Variants in LRRC51 observed in about 807,000 individuals in gnomAD.
LRRC51 encodes the protein leucine-rich repeat-containing protein 51.
In LRRC51, 8 loss-of-function variants were observed where a neutral mutation model predicts 17.8. The observed-to-expected ratio is 0.45, with a 90% confidence interval of 0.26 to 0.81. The LOEUF is 0.81. LRRC51 is among the 30% of genes least tolerant of loss of function. LRRC51 has a pLI of 0.17. For missense variants in LRRC51, 233 were observed against 239.3 expected (o/e 0.97, Z 0.17); for synonymous variants, 92 against 96.0 (o/e 0.96, Z 0.24).
chr11:72,096,042 A>G lies in LRRC51; in HGVS notation c.*522A>G, dbSNP rs627329. 20,140 of 192,504 alleles carry G rather than the reference A, an allele frequency of 0.1. 1,389 individuals are homozygous for G. The highest frequency in any genetic ancestry group is 0.22 in the East Asian group (1,641 of 7,306). The allele number at this position is 192,504 out of a possible 1,614,324, so 11.9% of individuals were successfully genotyped here. A position where few individuals can be genotyped will look rare whatever the true frequency, so the allele number is the denominator to read the frequency against. On this transcript the variant is annotated 3_prime_UTR_variant, in exon 6 of 6. Transcript: ENST00000289488. ...TTTTGAGACGGAGTCTCGCTCTGTC[A>G]CCCAGGCTGGAGTGCAGTGGCACGA...
chr11:72,088,889 G>A, intron 2 of LRRC51, 140 bp from the exon 3 acceptor site: 2 of 965,700 alleles, frequency 2.1e-6, no homozygotes, highest in Non-Finnish European at 3.1e-6. Context: ...AGGATGCAAG[G>A]AAGAGTGATT....
At chr11:72,088,524 C>T (rs1208317472) in intron 2 of LRRC51, 144 bp downstream of exon 2, 9 of 655,732 alleles carry the variant, frequency 1.4e-5, no homozygotes, top group South Asian at 1.3e-4. Flanking sequence ...TGGCAAATCC[C>T]CAGCTGGGCC....
chr11:72,094,689 G>C, intron 4 of LRRC51: 1 of 728,042 alleles, frequency 1.4e-6, no homozygotes. Context: ...CTAAGGCTGA[G>C]AGAGGCAAGT....
intron 3 of LRRC51, 24 bp downstream of exon 3, chr11:72,089,189 CCACT>C (rs1212395673): frequency 6.2e-7 from 1 of 1,614,098 alleles, no homozygotes; most frequent in East Asian, 2.2e-5. Context: ...GCACAGTACT[CCACT>C]CACTAAGGCA....
chr11:72,092,991 T>C (rs926829377), intron 3 of LRRC51, among the ~76,000 whole-genome samples: 1 of 152,244 alleles, frequency 6.6e-6, no homozygotes, highest in African/African-American at 2.4e-5. Flanking sequence ...CTATTATTCA[T>C]ACAAAGTCTG....
At position 72,086,854 on chromosome 11, in the gene LRRC51, G is replaced by GAGAAAAGTATCCAATCTTGCTC. The variant is rs1212775559; in HGVS notation, c.-139-1441_-139-1420dup. ...GGGGTACCAACCCAGTATTTACTTT[G>GAGAAAAGTATCCAATCTTGCTC]AGAAAAGTATCCAATCTTGCTCAAA... is the stretch of plus-strand genomic sequence containing the variant. On this transcript the variant is annotated intron_variant, in intron 1 of 5. Transcript: ENST00000289488. 3.3e-5 allele frequency among the ~76,000 whole-genome samples: 5 copies of GAGAAAAGTATCCAATCTTGCTC among 152,192 alleles called. No individual in the cohort carries two copies. The East Asian group carries it at 9.6e-4, about 29-fold the overall frequency.
chr11:72,094,141 C>G (rs1945023114), intron 4 of LRRC51, among the ~76,000 whole-genome samples: 1 of 152,066 alleles, frequency 6.6e-6, no homozygotes, highest in Non-Finnish European at 1.5e-5. Context: ...AAAAAATTAG[C>G]TGGGCGTGGT....
Position 72,096,664 on chromosome 11 carries a change from C to A in LRRC51, c.*1144C>A. 1 of 1,544,664 alleles carries A rather than the reference C, an allele frequency of 6.5e-7. No individual in the cohort carries two copies. The highest frequency in any genetic ancestry group is 1.2e-5 in the South Asian group (1 of 82,720). ...ATCTAACTCTCTGGGCCCCTTTGTACTTTTCAGCTTAGAGATTTGGGGGTT... is the reference window on the plus strand; with the variant it reads ...ATCTAACTCTCTGGGCCCCTTTGTAATTTTCAGCTTAGAGATTTGGGGGTT... On this transcript the variant is annotated 3_prime_UTR_variant, in exon 6 of 6. Coordinates refer to ENST00000289488, the MANE Select transcript of LRRC51 (RefSeq NM_145309.6).
chr11:72,089,717 C>T, intron 3 of LRRC51: 1 of 640,858 alleles, frequency 1.6e-6, no homozygotes, highest in Non-Finnish European at 2.1e-6. Context: ...AAATTTCTTA[C>T]ACTCATTCCA....
chr11:72,088,606 A>G, intron 2 of LRRC51: 1 of 586,352 alleles, frequency 1.7e-6, no homozygotes, highest in Non-Finnish European at 3.0e-6. Flanking sequence ...GCAATAGAAT[A>G]GCCCAGTTGA....
At position 72,084,840 on chromosome 11, in the gene LRRC51, A is replaced by AAG. The variant is rs1489013771; in HGVS notation, c.-139-3456_-139-3455insGA. On this transcript the variant is annotated intron_variant, in intron 1 of 5. Transcript: ENST00000289488. ...CAACAGAGCGAGACCTTGTCTCAAA[A>AAG]AAAAAAAAAAAAAAGAAAACCGTGT... Among the ~76,000 whole-genome samples, 13 of 147,054 alleles carry AAG rather than the reference A, an allele frequency of 8.8e-5. 1 individual carries two copies. The highest frequency in any genetic ancestry group is 3.3e-4 in the African/African-American group (13 of 39,056).
chr11:72,088,355 G>A lies in LRRC51; in HGVS notation c.-81G>A, dbSNP rs901341254. On this transcript the variant is annotated 5_prime_UTR_variant, in exon 2 of 6. It removes an upstream start codon present in the reference 5' UTR. Coordinates refer to ENST00000289488, the MANE Select transcript of LRRC51 (RefSeq NM_145309.6). ...GAACCCACAGGAATGAATGCCTAAT[G>A]GTGGAGTTTCAGCCATCAGTGACAG... 2 of 702,600 alleles carry A rather than the reference G, an allele frequency of 2.8e-6. No homozygotes were observed. Among genetic ancestry groups the A allele is most frequent in the Non-Finnish European group, 5.2e-6 (2 of 384,976 alleles). The allele number at this position is 702,600 out of a possible 1,614,324, so 43.5% of individuals were successfully genotyped here. A position where few individuals can be genotyped will look rare whatever the true frequency, so the allele number is the denominator to read the frequency against.
intron 1 of LRRC51, chr11:72,086,253 C>A: frequency 1.7e-6 from 1 of 594,594 alleles, no homozygotes; most frequent in Admixed American, 2.9e-5. Context: ...TTACTTGGAA[C>A]TGGATGCAGG....
intron 4 of LRRC51, 176 bp from the exon 5 acceptor site, chr11:72,094,772 G>A: frequency 8.1e-7 from 1 of 1,227,498 alleles, no homozygotes; most frequent in East Asian, 2.4e-5. Context: ...GTGATGCCCT[G>A]TATGTCTTAA....
chr11:72,085,281 GCTCT>G (rs1310785749), intron 1 of LRRC51: 2 of 152,112 alleles, frequency 1.3e-5, no homozygotes, highest in African/African-American at 2.4e-5. Context: ...CAGCAGTCAA[GCTCT>G]CTATGTGACA....
At chr11:72,086,076 CA>C (rs1944516462) in intron 1 of LRRC51, 1 of 224,718 alleles carries the variant, frequency 4.5e-6, no homozygotes, top group South Asian at 1.4e-4. Flanking sequence ...ATGTTATAGG[CA>C]AAAAGAGATG....
intron 1 of LRRC51, among the ~76,000 whole-genome samples, chr11:72,084,559 G>A (rs748490978): frequency 9.9e-5 from 15 of 152,152 alleles, no homozygotes; most frequent in Non-Finnish European, 1.6e-4. Flanking sequence ...AATCTAGGCT[G>A]GGCACAGTGG....
rs1327479360 is a variant in LRRC51, at chr11:72,095,884, C to A, written c.*364C>A. On this transcript the variant is annotated 3_prime_UTR_variant, in exon 6 of 6. Coordinates refer to ENST00000289488, the MANE Select transcript of LRRC51 (RefSeq NM_145309.6). Reference sequence around the variant, plus strand: ...GTTTTGAGACGGTTTCACTCGTCACCCCAGCTGGAGTGCAGTGGTGCGATC... The same window carrying A: ...GTTTTGAGACGGTTTCACTCGTCACACCAGCTGGAGTGCAGTGGTGCGATC... 2.8e-6 allele frequency: 1 copy of A among 354,192 alleles called. No homozygotes were observed. Among genetic ancestry groups the A allele is most frequent in the Non-Finnish European group, 5.5e-6 (1 of 182,666 alleles). 21.9% of individuals were successfully genotyped at this position (354,192 alleles called of 1,614,324 possible).
chr11:72,084,684 A>G (rs1418198629), intron 1 of LRRC51, among the ~76,000 whole-genome samples: 1 of 152,030 alleles, frequency 6.6e-6, no homozygotes, highest in Non-Finnish European at 1.5e-5. Context: ...AAAAAATACA[A>G]AAATTAGCAG....
Sources: allele counts gnomAD v4.1 joint callset (sites outside exome capture counted in the v4.1 genomes callset), GRCh38; gene constraint gnomAD v4.1.1; transcripts MANE v1.5; gene names NCBI Gene and HGNC (gene_info 2026-07-23, HGNC 2026-07-21).